The following GPR158 variants were observed in gnomAD, a reference collection of about 807,000 sequenced individuals.
The protein encoded by GPR158 is metabotropic glycine receptor.
GPR158 carries 30 observed loss-of-function variants against 78.2 expected under a neutral mutation model. The ratio of observed to expected loss-of-function variants is 0.38; its 90% CI spans 0.29 to 0.52. GPR158 has a LOEUF of 0.52. Ranked by LOEUF, GPR158 falls within the 20% of genes least tolerant of loss-of-function variation. The pLI is 0.83. For synonymous variants in GPR158, 581 were observed against 591.1 expected (o/e 0.98, Z 0.25); for missense variants, 1,463 against 1,523.5 (o/e 0.96, Z 0.66).
At chr10:25,282,718 A>G (rs1271289608) in intron 2 of GPR158, among the ~76,000 whole-genome samples, 2 of 152,140 alleles carry the variant, frequency 1.3e-5, no homozygotes, top group Non-Finnish European at 1.5e-5. Context: ...CCTTATGACT[A>G]ATAATGTTGA....
At chr10:25,461,149 G>C (rs1387874145) in intron 4 of GPR158, among the ~76,000 whole-genome samples, 1 of 152,074 alleles carries the variant, frequency 6.6e-6, no homozygotes, top group African/African-American at 2.4e-5. Flanking sequence ...ATGGCCTTTA[G>C]TGTTCAAGTG....
chr10:25,546,772 C>A (rs1032011529), intron 5 of GPR158, among the ~76,000 whole-genome samples: 1 of 152,164 alleles, frequency 6.6e-6, no homozygotes, highest in Non-Finnish European at 1.5e-5. Context: ...GTGTGCTAAG[C>A]CACAGGGGAG....
At chr10:25,204,189 T>A (rs1852981513) in intron 1 of GPR158, among the ~76,000 whole-genome samples, 2 of 152,190 alleles carry the variant, frequency 1.3e-5, no homozygotes, top group Admixed American at 6.5e-5. Context: ...TACAATCATG[T>A]CATCTGCAAA....
intron 6 of GPR158, among the ~76,000 whole-genome samples, chr10:25,554,724 C>T (rs1470998054): frequency 6.6e-6 from 1 of 152,106 alleles, no homozygotes; most frequent in Non-Finnish European, 1.5e-5. Context: ...TGTTTATTAA[C>T]AAATACAGTT....
At chr10:25,385,826 G>A (rs992593100) in intron 2 of GPR158, among the ~76,000 whole-genome samples, 1 of 152,064 alleles carries the variant, frequency 6.6e-6, no homozygotes, top group Non-Finnish European at 1.5e-5. Context: ...TCATTGTGTT[G>A]CAGGAGTTCT....
chr10:25,366,562 T>A (rs67814683), intron 2 of GPR158, among the ~76,000 whole-genome samples: 12,288 of 151,764 alleles, frequency 0.081, 553 homozygotes, highest in South Asian at 0.21. Context: ...ATATCATTTT[T>A]GTGATGAGAA....
At chr10:25,238,940 A>G (rs1853567098) in intron 2 of GPR158, among the ~76,000 whole-genome samples, 1 of 152,210 alleles carries the variant, frequency 6.6e-6, no homozygotes, top group Admixed American at 6.5e-5. Context: ...TTGTAACTGA[A>G]AAAGATCTCA....
intron 4 of GPR158, among the ~76,000 whole-genome samples, chr10:25,433,570 T>TGTGTGTGTGC (rs1554803626): frequency 0.018 from 2,364 of 127,950 alleles, 31 homozygotes; most frequent in Middle Eastern, 0.031. Flanking sequence ...TGTGTGTGTG[T>TGTGTGTGTGC]GCGCGCGCGC....
chr10:25,468,674 A>G (rs1481370796), intron 5 of GPR158, among the ~76,000 whole-genome samples: 1 of 152,208 alleles, frequency 6.6e-6, no homozygotes, highest in Non-Finnish European at 1.5e-5. Flanking sequence ...TTAGGTAATC[A>G]TAGTGGACGC....
chr10:25,229,513 T>C (rs79766096), intron 2 of GPR158, among the ~76,000 whole-genome samples: 158 of 152,316 alleles, frequency 1.0e-3, no homozygotes, highest in African/African-American at 3.7e-3. Context: ...CTTTGTGCTT[T>C]ATATGCATTT....
intron 2 of GPR158, among the ~76,000 whole-genome samples, chr10:25,312,877 T>A (rs1408913363): frequency 6.6e-6 from 1 of 152,160 alleles, no homozygotes; most frequent in African/African-American, 2.4e-5. Flanking sequence ...TGATTAATGC[T>A]AAGACGCCAG....
At chr10:25,350,629 C>G (rs1472594476) in intron 2 of GPR158, among the ~76,000 whole-genome samples, 2 of 152,000 alleles carry the variant, frequency 1.3e-5, no homozygotes, top group African/African-American at 2.4e-5. Flanking sequence ...TCTCCATAAT[C>G]ATTCTCCAGG....
chr10:25,292,618 T>C (rs1854455640), intron 2 of GPR158, among the ~76,000 whole-genome samples: 1 of 152,098 alleles, frequency 6.6e-6, no homozygotes, highest in Non-Finnish European at 1.5e-5. Context: ...TTTAGTATAA[T>C]GACCTATGAG....
At chr10:25,414,436 T>C (rs1834632884) in intron 4 of GPR158, among the ~76,000 whole-genome samples, 1 of 152,166 alleles carries the variant, frequency 6.6e-6, no homozygotes, top group Non-Finnish European at 1.5e-5. Flanking sequence ...TATCTAGTTT[T>C]AAGATGGTCA....
intron 2 of GPR158, among the ~76,000 whole-genome samples, chr10:25,277,438 G>A (rs1011438540): frequency 1.1e-4 from 16 of 146,408 alleles, no homozygotes; most frequent in African/African-American, 3.5e-4. Flanking sequence ...CACAATTTCA[G>A]TTGAGTAGCT....
chr10:25,539,361 T>A (rs561079016), intron 5 of GPR158, among the ~76,000 whole-genome samples: 7 of 152,064 alleles, frequency 4.6e-5, no homozygotes, highest in Middle Eastern at 3.4e-3. Flanking sequence ...GTGTGGGGGG[T>A]TTAGATCTTA....
At chr10:25,179,416 A>G (rs1218795191) in intron 1 of GPR158, among the ~76,000 whole-genome samples, 1 of 152,140 alleles carries the variant, frequency 6.6e-6, no homozygotes, top group East Asian at 1.9e-4. Flanking sequence ...ATTAGTTAAT[A>G]TTTTCCCAGG....
intron 4 of GPR158, among the ~76,000 whole-genome samples, chr10:25,414,890 T>C (rs752576640): frequency 1.1e-4 from 17 of 152,170 alleles, no homozygotes; most frequent in Non-Finnish European, 2.1e-4. Flanking sequence ...TGCAGACTCA[T>C]GAGCCAGATT....
At chr10:25,193,689 G>A (rs570478990) in intron 1 of GPR158, among the ~76,000 whole-genome samples, 10 of 152,232 alleles carry the variant, frequency 6.6e-5, no homozygotes, top group African/African-American at 2.4e-4. Flanking sequence ...CTTTATTGTA[G>A]CGTTTTAGTT....
Sources: allele counts gnomAD v4.1 joint callset (sites outside exome capture counted in the v4.1 genomes callset), GRCh38; gene constraint gnomAD v4.1.1; transcripts MANE v1.5; gene names NCBI Gene and HGNC (gene_info 2026-07-23, HGNC 2026-07-21).